Variants in GMDS observed in about 807,000 individuals in gnomAD.
GMDS encodes GDP-mannose 4,6-dehydratase, also known as GDP-mannose 4,6 dehydratase.
A neutral mutation model predicts 49.9 loss-of-function variants in GMDS; 20 were observed. The observed-to-expected ratio is 0.40, with a 90% CI of 0.28 to 0.58. The LOEUF is 0.58. Ranked by LOEUF, GMDS falls within the 20% of genes least tolerant of loss-of-function variation. The probability of loss-of-function intolerance (pLI) is 0.42; values close to 1 mark genes in which losing one functional copy is unlikely to be tolerated. For synonymous variants in GMDS, 177 were observed against 178.6 expected, an observed-to-expected ratio of 0.99 and a Z score of 0.07; for missense variants, 362 against 481.4, an observed-to-expected ratio of 0.75 and a Z score of 2.32.
At chr6:1,879,032 G>T (rs1384446907) in intron 7 of GMDS, among the ~76,000 whole-genome samples, 1 of 152,096 alleles carries the variant, frequency 6.6e-6, no homozygotes, top group Non-Finnish European at 1.5e-5. Flanking sequence ...CATCCCCAGA[G>T]TGAAAAAACA....
Position 2,045,309 on chromosome 6 carries a change from C to T in GMDS, c.345+70462G>A, listed in dbSNP as rs1769932562. 2.6e-5 allele frequency among the ~76,000 whole-genome samples: 4 copies of T among 151,792 alleles called. No individual in the cohort carries two copies. The South Asian group carries it at 8.3e-4, about 32-fold the overall frequency. Reference sequence around the variant, plus strand: ...TTGATTAGCACTGGCAATCAATAACCATATTTTAAATTCATTAATTATATT... The same window carrying T: ...TTGATTAGCACTGGCAATCAATAACTATATTTTAAATTCATTAATTATATT... On this transcript the variant is annotated intron_variant, in intron 4 of 10. Transcript: ENST00000380815.
chr6:1,901,989 C>T (rs1405807632), intron 7 of GMDS, among the ~76,000 whole-genome samples: 1 of 152,196 alleles, frequency 6.6e-6, no homozygotes, highest in South Asian at 2.1e-4. Context: ...TTTATTTAAA[C>T]ACGAAAATAC....
chr6:2,022,056 G>A (rs1360885489), intron 4 of GMDS, among the ~76,000 whole-genome samples: 1 of 152,180 alleles, frequency 6.6e-6, no homozygotes, highest in East Asian at 1.9e-4. Context: ...TGAAGCCTGA[G>A]TTTTATAGCC....
chr6:1,692,734 G>C (rs1161302303), intron 9 of GMDS, among the ~76,000 whole-genome samples: 1 of 152,142 alleles, frequency 6.6e-6, no homozygotes, highest in Non-Finnish European at 1.5e-5. Flanking sequence ...TCATCTTTAA[G>C]TTCAATCTGA....
intron 7 of GMDS, among the ~76,000 whole-genome samples, chr6:1,886,726 G>C (rs540017088): frequency 5.3e-5 from 8 of 152,268 alleles, no homozygotes; most frequent in Admixed American, 4.6e-4. Context: ...AGGTAATAAT[G>C]TCTGGTTATT....
chr6:1,982,741 G>A (rs953223848), intron 4 of GMDS, among the ~76,000 whole-genome samples: 2 of 152,012 alleles, frequency 1.3e-5, no homozygotes, highest in Admixed American at 6.6e-5. Flanking sequence ...AAAAACAAAT[G>A]GAAAAACATC....
intron 4 of GMDS, among the ~76,000 whole-genome samples, chr6:1,976,033 T>A (rs542863292): frequency 2.0e-5 from 3 of 152,304 alleles, no homozygotes; most frequent in African/African-American, 7.2e-5. Flanking sequence ...ATACAGTGGC[T>A]AGTATATGAA....
intron 1 of GMDS, among the ~76,000 whole-genome samples, chr6:2,160,366 T>C (rs993207570): frequency 1.3e-5 from 2 of 152,212 alleles, no homozygotes; most frequent in African/African-American, 4.8e-5. Context: ...CACTAAGATA[T>C]AATGGATAAG....
intron 7 of GMDS, among the ~76,000 whole-genome samples, chr6:1,819,910 T>C (rs1189531319): frequency 1.3e-5 from 2 of 151,416 alleles, no homozygotes; most frequent in Admixed American, 6.6e-5. Context: ...GAAAATAAAA[T>C]AGTATGATAC....
At chr6:1,703,729 G>A (rs1233061828) in intron 9 of GMDS, among the ~76,000 whole-genome samples, 1 of 152,192 alleles carries the variant, frequency 6.6e-6, no homozygotes, top group East Asian at 1.9e-4. Flanking sequence ...AAGCAGCCCA[G>A]GGCTGAGCTG....
chr6:2,188,835 C>T (rs1175157722), intron 1 of GMDS, among the ~76,000 whole-genome samples: 1 of 152,090 alleles, frequency 6.6e-6, no homozygotes, highest in Non-Finnish European at 1.5e-5. Context: ...CAGGTGAGGA[C>T]GTGGAAGAGG....
chr6:1,653,444 T>G (rs2113224655), intron 9 of GMDS, among the ~76,000 whole-genome samples: 1 of 152,250 alleles, frequency 6.6e-6, no homozygotes, highest in Non-Finnish European at 1.5e-5. Context: ...TAGAAATCCA[T>G]CTTGAAATTT....
intron 7 of GMDS, among the ~76,000 whole-genome samples, chr6:1,841,460 T>G (rs951772639): frequency 6.6e-6 from 1 of 152,194 alleles, no homozygotes; most frequent in African/African-American, 2.4e-5. Context: ...GATAACCAAA[T>G]GCTAACGTTT....
chr6:2,123,236 C>T (rs137943706), intron 2 of GMDS, among the ~76,000 whole-genome samples: 133 of 152,334 alleles, frequency 8.7e-4, no homozygotes, highest in Non-Finnish European at 1.6e-3. Flanking sequence ...CATAGCCGTG[C>T]TCCCTCCTCC....
chr6:2,006,551 T>A (rs1767192326), intron 4 of GMDS, among the ~76,000 whole-genome samples: 1 of 152,176 alleles, frequency 6.6e-6, no homozygotes, highest in African/African-American at 2.4e-5. Flanking sequence ...TCTTAACAAC[T>A]GCCACAAAAT....
chr6:2,087,440 C>G (rs1773076088), intron 4 of GMDS, among the ~76,000 whole-genome samples: 1 of 152,182 alleles, frequency 6.6e-6, no homozygotes, highest in African/African-American at 2.4e-5. Flanking sequence ...AGCCCAACAT[C>G]AGTAACATCA....
At chr6:1,675,938 A>G (rs1764609087) in intron 9 of GMDS, among the ~76,000 whole-genome samples, 1 of 152,132 alleles carries the variant, frequency 6.6e-6, no homozygotes, top group African/African-American at 2.4e-5. Flanking sequence ...AAACACCTCT[A>G]CACAAATAAA....
At chr6:1,765,144 G>GA (rs950854864) in intron 7 of GMDS, among the ~76,000 whole-genome samples, 3 of 149,562 alleles carry the variant, frequency 2.0e-5, no homozygotes, top group African/African-American at 4.9e-5. Flanking sequence ...AAACCAAAAA[G>GA]AAAAAAAAAA....
At chr6:2,022,594 C>A (rs1768344731) in intron 4 of GMDS, among the ~76,000 whole-genome samples, 1 of 152,092 alleles carries the variant, frequency 6.6e-6, no homozygotes, top group East Asian at 1.9e-4. Context: ...AAAGCACCAC[C>A]ACATTTAACA....
Sources: allele counts gnomAD v4.1 joint callset (sites outside exome capture counted in the v4.1 genomes callset), GRCh38; gene constraint gnomAD v4.1.1; transcripts MANE v1.5; gene names NCBI Gene and HGNC (gene_info 2026-07-23, HGNC 2026-07-21).